Variants in SORCS2 observed in about 807,000 individuals in gnomAD.
SORCS2 encodes sortilin related VPS10 domain containing receptor 2.
Under a neutral mutation model 141.6 loss-of-function variants are expected in SORCS2, and 100 were observed. The observed-to-expected ratio is 0.71, with a 90% CI of 0.60 to 0.83. The LOEUF is 0.83. Among genes scored for constraint, SORCS2 ranks in the 40% least tolerant of loss-of-function variants. The probability of loss-of-function intolerance (pLI) is 0.00; values close to 1 mark genes in which losing one functional copy is unlikely to be tolerated. For synonymous variants in SORCS2, 789 were observed against 676.9 expected (o/e 1.17, Z -2.57); for missense variants, 1,646 against 1,560.2 (o/e 1.05, Z -0.93).
At chr4:7,616,785 T>C (rs1718791108) in intron 3 of SORCS2, among the ~76,000 whole-genome samples, 1 of 152,286 alleles carries the variant, frequency 6.6e-6, no homozygotes, top group African/African-American at 2.4e-5. Context: ...AAACTGACTA[T>C]AAAACCATTT....
intron 3 of SORCS2, among the ~76,000 whole-genome samples, chr4:7,622,346 T>C (rs894009944): frequency 2.0e-5 from 3 of 152,194 alleles, no homozygotes; most frequent in African/African-American, 7.2e-5. Flanking sequence ...CTCTGAAGCC[T>C]TTTATTCTGT....
chr4:7,563,071 C>A (rs542128380), intron 3 of SORCS2, among the ~76,000 whole-genome samples: 1 of 152,258 alleles, frequency 6.6e-6, no homozygotes, highest in African/African-American at 2.4e-5. Context: ...TCCTAGTTCC[C>A]TGGTCATACC....
chr4:7,501,455 G>A (rs28740815), intron 2 of SORCS2, among the ~76,000 whole-genome samples: 1 of 152,296 alleles, frequency 6.6e-6, no homozygotes, highest in South Asian at 2.1e-4. Context: ...GAGCTCCCAG[G>A]GGGCAGGATT....
intron 3 of SORCS2, among the ~76,000 whole-genome samples, chr4:7,596,960 G>C (rs939124503): frequency 6.6e-6 from 1 of 152,234 alleles, no homozygotes; most frequent in South Asian, 2.1e-4. Flanking sequence ...TTTGAATCTG[G>C]AAAAAGCTAA....
intron 1 of SORCS2, among the ~76,000 whole-genome samples, chr4:7,207,448 C>T (rs969169974): frequency 3.9e-5 from 6 of 152,194 alleles, no homozygotes; most frequent in South Asian, 2.1e-4. Context: ...TGGCGGCCAC[C>T]GTGGCCAGAC....
At chr4:7,438,687 T>C (rs1251460673) in intron 2 of SORCS2, among the ~76,000 whole-genome samples, 1 of 152,090 alleles carries the variant, frequency 6.6e-6, no homozygotes, top group Non-Finnish European at 1.5e-5. Context: ...TTTTTCTTTT[T>C]TAAAAGACTC....
chr4:7,349,411 G>A lies in SORCS2; in HGVS notation c.481-46877G>A, dbSNP rs1720815700. 2.0e-5 allele frequency among the ~76,000 whole-genome samples: 3 copies of A among 152,274 alleles called. No homozygotes were observed. The South Asian group carries it at 6.2e-4, about 32-fold the overall frequency. On this transcript the variant is annotated intron_variant, in intron 1 of 26. Coordinates refer to ENST00000507866, the MANE Select transcript of SORCS2 (RefSeq NM_020777.3). The stretch of plus-strand genomic sequence containing the variant: ...ACTGGCCCCGTGCCGCTGGAGCACA[G>A]GGCCAGTGGGGTGGGTGTGGGCTGG...
At chr4:7,726,434 A>G (rs908771221) in intron 20 of SORCS2, among the ~76,000 whole-genome samples, 6 of 152,112 alleles carry the variant, frequency 3.9e-5, no homozygotes, top group African/African-American at 7.2e-5. Context: ...TTAGCTGGGC[A>G]TGGGGGTGCA....
At chr4:7,434,217 G>A (rs1329410035) in intron 2 of SORCS2, 11 of 1,613,574 alleles carry the variant, frequency 6.8e-6, no homozygotes, top group South Asian at 3.3e-5. Flanking sequence ...TGCAGAGGAC[G>A]GCCAGGCCAG....
intron 1 of SORCS2, among the ~76,000 whole-genome samples, chr4:7,238,816 G>A (rs566214223): frequency 7.2e-5 from 11 of 152,258 alleles, no homozygotes; most frequent in African/African-American, 1.9e-4. Flanking sequence ...TGGTGCACAC[G>A]GCCTCCCTGG....
intron 2 of SORCS2, among the ~76,000 whole-genome samples, chr4:7,516,104 G>T (rs116575130): frequency 6.6e-6 from 1 of 152,164 alleles, no homozygotes; most frequent in Non-Finnish European, 1.5e-5. Flanking sequence ...CATTCCACCC[G>T]CATTTACCGG....
intron 1 of SORCS2, among the ~76,000 whole-genome samples, chr4:7,211,164 T>G (rs1728036853): frequency 7.0e-6 from 1 of 143,140 alleles, no homozygotes; most frequent in Non-Finnish European, 1.5e-5. Flanking sequence ...GCTTAAACCT[T>G]CCTGCCTGGA....
At chr4:7,716,817 A>G (rs868171651) in intron 17 of SORCS2, among the ~76,000 whole-genome samples, 2 of 152,212 alleles carry the variant, frequency 1.3e-5, no homozygotes, top group African/African-American at 2.4e-5. Context: ...TGTCAGAGCC[A>G]GGATCTTGAT....
intron 1 of SORCS2, among the ~76,000 whole-genome samples, chr4:7,248,071 C>T (rs28595860): frequency 0.096 from 14,555 of 152,180 alleles, 947 homozygotes; most frequent in African/African-American, 0.19. Context: ...CACACAGCCC[C>T]GGGGGCCATG....
intron 3 of SORCS2, among the ~76,000 whole-genome samples, chr4:7,567,563 C>T (rs1316576092): frequency 6.6e-6 from 1 of 152,144 alleles, no homozygotes; most frequent in Non-Finnish European, 1.5e-5. Context: ...ACACCAAGGC[C>T]ACACCCTGCC....
intron 3 of SORCS2, among the ~76,000 whole-genome samples, chr4:7,562,133 T>C (rs903585204): frequency 1.4e-4 from 22 of 152,202 alleles, no homozygotes; most frequent in Admixed American, 4.6e-4. Flanking sequence ...AACTTCTCGA[T>C]TGATTATAAT....
intron 1 of SORCS2, among the ~76,000 whole-genome samples, chr4:7,369,605 G>A (rs912045276): frequency 1.3e-5 from 2 of 152,186 alleles, no homozygotes; most frequent in Non-Finnish European, 2.9e-5. Flanking sequence ...TCAGTTTGGA[G>A]TGCTCAGTCT....
At chr4:7,682,932 T>A (rs370463811) in intron 10 of SORCS2, 43 bp downstream of exon 10, 17 of 1,595,316 alleles carry the variant, frequency 1.1e-5, no homozygotes, top group Non-Finnish European at 1.5e-5. Flanking sequence ...TTGGCGTGGA[T>A]GCTAGATATA....
intron 2 of SORCS2, among the ~76,000 whole-genome samples, chr4:7,436,667 GTAGAATT>G (rs1727324120): frequency 6.6e-6 from 1 of 152,204 alleles, no homozygotes; most frequent in Non-Finnish European, 1.5e-5. Flanking sequence ...TCGTTTCTGG[GTAGAATT>G]CCACTGGGCA....
Sources: gnomAD v4.1 joint callset for allele counts (sites outside exome capture counted in the v4.1 genomes callset) on GRCh38, gnomAD v4.1.1 for gene constraint, MANE v1.5 for transcripts, NCBI Gene and HGNC (gene_info 2026-07-23, HGNC 2026-07-21) for gene names.